The following FBXO34 variants were observed in gnomAD, a reference collection of about 807,000 sequenced individuals.
FBXO34 encodes the protein F-box protein 34.
In FBXO34, 12 loss-of-function variants were observed where a neutral mutation model predicts 24.5. That is an observed-to-expected ratio of 0.49 (90% CI 0.31 to 0.79). The LOEUF (loss-of-function observed/expected upper bound fraction) is 0.79, where lower values mean the gene tolerates loss of function less well. Ranked by LOEUF, FBXO34 falls within the 30% of genes least tolerant of loss-of-function variation. The probability of loss-of-function intolerance (pLI) is 0.04; values close to 1 mark genes in which losing one functional copy is unlikely to be tolerated. For missense variants in FBXO34, 823 were observed against 857.7 expected, an observed-to-expected ratio of 0.96 and a Z score of 0.51; for synonymous variants, 320 against 311.9, an observed-to-expected ratio of 1.03 and a Z score of -0.27.
intron 1 of FBXO34, among the ~76,000 whole-genome samples, chr14:55,299,449 G>C (rs1037141920): frequency 2.0e-5 from 3 of 151,500 alleles, no homozygotes; most frequent in African/African-American, 7.3e-5. Flanking sequence ...AGTGCCTGCT[G>C]TTTATAATGT....
chr14:55,341,264 C>T (rs1883982260), intron 1 of FBXO34, among the ~76,000 whole-genome samples: 1 of 152,160 alleles, frequency 6.6e-6, no homozygotes, highest in South Asian at 2.1e-4. Flanking sequence ...GGTGATCAGA[C>T]ATCACCTGGG....
At chr14:55,388,429 A>G in the FBXO34 span, among the ~76,000 whole-genome samples, 7 of 152,226 alleles carry the variant, frequency 4.6e-5, no homozygotes, top group African/African-American at 1.7e-4. Context: ...TCTCCCTACC[A>G]TCTCCCCATA....
chr14:55,390,975 G>C, the FBXO34 span: 2 of 1,606,124 alleles, frequency 1.2e-6, no homozygotes, highest in South Asian at 2.2e-5. Context: ...TCATCTTGCA[G>C]GACATTATTT....
chr14:55,383,768 C>CA, the FBXO34 span, among the ~76,000 whole-genome samples: 67 of 150,510 alleles, frequency 4.5e-4, no homozygotes, highest in Non-Finnish European at 5.3e-4. Flanking sequence ...AATCAAAAAA[C>CA]AAAAAAAAAC....
At chr14:55,328,392 G>A (rs1315970908) in intron 1 of FBXO34, among the ~76,000 whole-genome samples, 1 of 152,126 alleles carries the variant, frequency 6.6e-6, no homozygotes, top group Non-Finnish European at 1.5e-5. Flanking sequence ...AGTAAAATAA[G>A]GGTTACCTTA....
At chr14:55,442,549 G>T in the FBXO34 span, among the ~76,000 whole-genome samples, 1,333 of 152,066 alleles carry the variant, frequency 8.8e-3, 18 homozygotes, top group African/African-American at 0.03. Context: ...ACCTTAGAAC[G>T]TAGCATAGGA....
chr14:55,378,294 T>C, the FBXO34 span, among the ~76,000 whole-genome samples: 4 of 152,224 alleles, frequency 2.6e-5, no homozygotes, highest in African/African-American at 9.6e-5. Flanking sequence ...GACCAAGCAA[T>C]TCCACGTCAG....
At chr14:55,323,557 A>C (rs1883241501) in intron 1 of FBXO34, among the ~76,000 whole-genome samples, 2 of 151,428 alleles carry the variant, frequency 1.3e-5, no homozygotes, top group African/African-American at 4.9e-5. Flanking sequence ...TAATTTTTGC[A>C]TTTTTAGTAG....
chr14:55,346,542 T>C (rs1884166576), intron 1 of FBXO34, among the ~76,000 whole-genome samples: 1 of 152,144 alleles, frequency 6.6e-6, no homozygotes, highest in Non-Finnish European at 1.5e-5. Context: ...GGAGAGTGTG[T>C]CACTGGAAAT....
intron 3 of FBXO34, among the ~76,000 whole-genome samples, chr14:55,360,783 A>C (rs1884583657): frequency 6.6e-6 from 1 of 152,048 alleles, no homozygotes; most frequent in African/African-American, 2.4e-5. Flanking sequence ...GGATCACCTG[A>C]GGTCAGGAGT....
chr14:55,424,071 C>A, the FBXO34 span: 1 of 877,354 alleles, frequency 1.1e-6, no homozygotes, highest in South Asian at 1.8e-5. Context: ...ATTACTTTAC[C>A]ATGGTGAACA....
chr14:55,368,115 T>G (rs77355286), downstream of FBXO34: 1 of 145,852 alleles, frequency 6.9e-6, no homozygotes, highest in African/African-American at 2.5e-5. Context: ...AAAAATAAAC[T>G]ACTTACATAT....
the FBXO34 span, chr14:55,433,523 A>G: frequency 9.7e-7 from 1 of 1,027,650 alleles, no homozygotes; most frequent in Non-Finnish European, 1.5e-6. Context: ...TTCAGCAAAG[A>G]AAGGCATTTT....
At chr14:55,302,933 G>A (rs1052105355) in intron 1 of FBXO34, among the ~76,000 whole-genome samples, 1 of 152,210 alleles carries the variant, frequency 6.6e-6, no homozygotes, top group African/African-American at 2.4e-5. Context: ...AATAGTGGAA[G>A]TAGTAAAGAG....
intron 1 of FBXO34, among the ~76,000 whole-genome samples, chr14:55,304,578 G>A (rs755396117): frequency 3.4e-4 from 52 of 152,266 alleles, no homozygotes; most frequent in Admixed American, 5.9e-4. Flanking sequence ...TTAGCTCATT[G>A]TAAGGTCAAA....
chr14:55,420,526 C>T, the FBXO34 span, among the ~76,000 whole-genome samples: 2 of 152,304 alleles, frequency 1.3e-5, no homozygotes, highest in East Asian at 3.9e-4. Flanking sequence ...AATTATTTAT[C>T]ATTTCAGTAG....
At chr14:55,366,888 G>A (rs538108917), downstream of FBXO34, 9 of 152,736 alleles carry the variant, frequency 5.9e-5, no homozygotes, top group South Asian at 1.7e-3. Flanking sequence ...AAAAACAGTG[G>A]TTGAAATGTA....
chr14:55,409,832 G>A, the FBXO34 span, among the ~76,000 whole-genome samples: 2 of 152,224 alleles, frequency 1.3e-5, no homozygotes, highest in Non-Finnish European at 2.9e-5. Flanking sequence ...AGAAATGGAG[G>A]AGTAGCATAA....
At chr14:55,307,129 A>G (rs1882577524) in intron 1 of FBXO34, among the ~76,000 whole-genome samples, 1 of 152,214 alleles carries the variant, frequency 6.6e-6, no homozygotes, top group African/African-American at 2.4e-5. Flanking sequence ...CCTTAATCAC[A>G]TTGCCATTGT....
Sources: allele counts gnomAD v4.1 joint callset (sites outside exome capture counted in the v4.1 genomes callset), GRCh38; gene constraint gnomAD v4.1.1; transcripts MANE v1.5; gene names NCBI Gene and HGNC (gene_info 2026-07-23, HGNC 2026-07-21).